CACNA2D3: variants seen among roughly 807,000 people sequenced by gnomAD.
CACNA2D3 encodes the protein calcium voltage-gated channel auxiliary subunit alpha2delta 3.
In CACNA2D3, 60 loss-of-function variants were observed where a neutral mutation model predicts 160.6. That is an observed-to-expected ratio of 0.37 (90% CI 0.30 to 0.46). The LOEUF is 0.46. CACNA2D3 is among the 20% of genes least tolerant of loss of function. The probability of loss-of-function intolerance (pLI) is 1.00; values close to 1 mark genes in which losing one functional copy is unlikely to be tolerated. For synonymous variants in CACNA2D3, 558 were observed against 492.9 expected (o/e 1.13, Z -1.75); for missense variants, 1,205 against 1,365.0 (o/e 0.88, Z 1.85).
rs1452314666 is a variant in CACNA2D3 at position 54,278,935 on chromosome 3, TAACA to T, written c.205-41503_205-41500del. ...CCACCATGTCACGTGTATACCTATG[TAACA>T]AACCTGCATGTTCTGCACATGTATC... On this transcript the variant is annotated intron_variant, in intron 2 of 37. Transcript: ENST00000474759. Among the ~76,000 whole-genome samples the T allele has an allele frequency of 2.6e-5, 4 of 152,284 alleles. No homozygotes were observed. In the East Asian group the frequency reaches 7.7e-4, roughly 29 times the overall value.
intron 4 of CACNA2D3, among the ~76,000 whole-genome samples, chr3:54,485,635 C>T (rs1323730082): frequency 1.3e-5 from 2 of 151,132 alleles, no homozygotes; most frequent in Non-Finnish European, 2.9e-5. Flanking sequence ...GTGATCTTGG[C>T]TCATTGCAAC....
intron 5 of CACNA2D3, among the ~76,000 whole-genome samples, chr3:54,551,582 G>A (rs1053941826): frequency 1.3e-5 from 2 of 152,126 alleles, no homozygotes; most frequent in African/African-American, 2.4e-5. Flanking sequence ...AGGGAAAGTG[G>A]ATTTGTTTCC....
chr3:54,965,821 CT>C (rs912620991), intron 27 of CACNA2D3, among the ~76,000 whole-genome samples: 3 of 152,134 alleles, frequency 2.0e-5, no homozygotes, highest in African/African-American at 4.8e-5. Flanking sequence ...ATCCAGGAGC[CT>C]TTGGGCAACA....
intron 5 of CACNA2D3, among the ~76,000 whole-genome samples, chr3:54,560,476 A>G (rs1357707948): frequency 6.6e-6 from 1 of 152,202 alleles, no homozygotes; most frequent in Non-Finnish European, 1.5e-5. Flanking sequence ...GATGCTGGAT[A>G]TTAGACTTTT....
At chr3:54,183,121 T>A (rs952710137) in intron 2 of CACNA2D3, among the ~76,000 whole-genome samples, 6 of 152,126 alleles carry the variant, frequency 3.9e-5, no homozygotes, top group African/African-American at 1.4e-4. Context: ...GTAATTTGCT[T>A]GACCCCAACA....
intron 4 of CACNA2D3, among the ~76,000 whole-genome samples, chr3:54,456,842 C>T (rs1559485943): frequency 6.6e-6 from 1 of 151,860 alleles, no homozygotes; most frequent in Non-Finnish European, 1.5e-5. Flanking sequence ...TTGTATGTGT[C>T]CAGGAATTTA....
chr3:54,385,724 T>A (rs943329753), intron 3 of CACNA2D3, among the ~76,000 whole-genome samples: 1 of 152,200 alleles, frequency 6.6e-6, no homozygotes, highest in African/African-American at 2.4e-5. Flanking sequence ...TGTGACCGTT[T>A]AGAGATTAAT....
intron 11 of CACNA2D3, among the ~76,000 whole-genome samples, chr3:54,715,982 AG>A (rs1701043390): frequency 2.0e-5 from 3 of 152,230 alleles, no homozygotes; most frequent in Admixed American, 2.0e-4. Flanking sequence ...AATATACAGC[AG>A]GGATGGCGAT....
intron 2 of CACNA2D3, among the ~76,000 whole-genome samples, chr3:54,254,774 G>T (rs1702262278): frequency 6.6e-6 from 1 of 152,222 alleles, no homozygotes; most frequent in Non-Finnish European, 1.5e-5. Context: ...CAACAAGGAA[G>T]ATATGGGAAA....
chr3:54,919,704 AAAT>A (rs1448024353), intron 27 of CACNA2D3, among the ~76,000 whole-genome samples: 2 of 152,186 alleles, frequency 1.3e-5, no homozygotes, highest in Admixed American at 6.5e-5. Context: ...GACTTTGGGA[AAAT>A]GTGCTTCGCT....
chr3:54,746,079 T>C (rs751379248), intron 11 of CACNA2D3, among the ~76,000 whole-genome samples: 1 of 152,224 alleles, frequency 6.6e-6, no homozygotes, highest in Non-Finnish European at 1.5e-5. Flanking sequence ...TGATGGCTTA[T>C]AGATTAAAGC....
intron 11 of CACNA2D3, among the ~76,000 whole-genome samples, chr3:54,678,462 C>A (rs1700281471): frequency 6.6e-6 from 1 of 152,052 alleles, no homozygotes; most frequent in Admixed American, 6.6e-5. Context: ...GTGGCTCACG[C>A]CTGTAATCCC....
At chr3:54,926,726 A>G (rs75642274) in intron 27 of CACNA2D3, among the ~76,000 whole-genome samples, 15,148 of 152,212 alleles carry the variant, frequency 0.1, 843 homozygotes, top group Non-Finnish European at 0.12. Flanking sequence ...TGCCACATTT[A>G]GTATTAATAT....
chr3:54,173,651 A>G (rs972558179), intron 2 of CACNA2D3, among the ~76,000 whole-genome samples: 1 of 152,232 alleles, frequency 6.6e-6, no homozygotes, highest in African/African-American at 2.4e-5. Context: ...ACTTTAGTGG[A>G]AATGATTAAT....
At chr3:54,664,930 A>G (rs571971594) in intron 11 of CACNA2D3, among the ~76,000 whole-genome samples, 7 of 152,356 alleles carry the variant, frequency 4.6e-5, no homozygotes, top group African/African-American at 1.7e-4. Context: ...CATGCAGGCT[A>G]TGTAGAGAAG....
At chr3:54,717,861 C>CGTGCGTGTGTGTGGTGGGTGTGT (rs1701091976) in intron 11 of CACNA2D3, among the ~76,000 whole-genome samples, 1 of 132,258 alleles carries the variant, frequency 7.6e-6, no homozygotes, top group Non-Finnish European at 1.6e-5. Context: ...GGTGTATGTG[C>CGTGCGTGTGTGTGGTGGGTGTGT]GTGCGTGTGT....
intron 27 of CACNA2D3, among the ~76,000 whole-genome samples, chr3:54,902,916 C>T (rs991638001): frequency 9.2e-5 from 14 of 152,168 alleles, no homozygotes; most frequent in African/African-American, 3.4e-4. Flanking sequence ...AAGTTGGTGG[C>T]ATATTCATTC....
intron 13 of CACNA2D3, among the ~76,000 whole-genome samples, chr3:54,788,005 T>C (rs1168634199): frequency 6.6e-6 from 1 of 152,236 alleles, no homozygotes; most frequent in African/African-American, 2.4e-5. Flanking sequence ...AGTCTTCCAC[T>C]TATTAGCAAC....
intron 31 of CACNA2D3, among the ~76,000 whole-genome samples, chr3:54,992,780 GAA>G (rs5849065): frequency 0.045 from 6,173 of 137,318 alleles, 386 homozygotes; most frequent in African/African-American, 0.15. Context: ...TGAACAACAA[GAA>G]AAAAAAAAAA....
Sources: gnomAD v4.1 joint callset for allele counts (sites outside exome capture counted in the v4.1 genomes callset) on GRCh38, gnomAD v4.1.1 for gene constraint, MANE v1.5 for transcripts, NCBI Gene and HGNC (gene_info 2026-07-23, HGNC 2026-07-21) for gene names.